RFC3: variants seen among roughly 807,000 people sequenced by gnomAD.
The protein encoded by RFC3 is replication factor C subunit 3, also known as A1 38 kDa subunit.
RFC3 carries 41 observed loss-of-function variants against 45.1 expected under a neutral mutation model. That is an observed-to-expected ratio of 0.91 (90% CI 0.71 to 1.18). The LOEUF (loss-of-function observed/expected upper bound fraction) is 1.18. Among genes scored for constraint, RFC3 ranks in the 50% most tolerant of loss-of-function variants. The pLI is 0.00. For synonymous variants in RFC3, 149 were observed against 144.0 expected (o/e 1.03, Z -0.25); for missense variants, 423 against 428.1 (o/e 0.99, Z 0.10).
intron 8 of RFC3, among the ~76,000 whole-genome samples, chr13:33,939,653 C>T (rs1450003979): frequency 1.3e-5 from 2 of 152,182 alleles, no homozygotes; most frequent in Non-Finnish European, 2.9e-5. Context: ...TGCTTTACAG[C>T]TGATTCATCA....
At chr13:33,822,025 A>G (rs1566376115) in intron 2 of RFC3, among the ~76,000 whole-genome samples, 1 of 152,176 alleles carries the variant, frequency 6.6e-6, no homozygotes, top group Admixed American at 6.5e-5. Context: ...ATGTCTTTAC[A>G]TATTAGGCAT....
intron 8 of RFC3, among the ~76,000 whole-genome samples, chr13:33,920,990 G>A (rs551357442): frequency 6.6e-6 from 1 of 152,102 alleles, no homozygotes; most frequent in East Asian, 1.9e-4. Flanking sequence ...CACTTACCAC[G>A]TGGCATTATA....
intron 8 of RFC3, among the ~76,000 whole-genome samples, chr13:33,886,310 G>T (rs2082385932): frequency 6.6e-6 from 1 of 152,084 alleles, no homozygotes; most frequent in Non-Finnish European, 1.5e-5. Context: ...ACTTTGGGAG[G>T]CCGAGGTGGG....
intron 8 of RFC3, among the ~76,000 whole-genome samples, chr13:33,912,136 A>G (rs912625732): frequency 6.6e-6 from 1 of 152,088 alleles, no homozygotes; most frequent in Non-Finnish European, 1.5e-5. Context: ...TGAAGAATTA[A>G]TGATTTGTAA....
At chr13:33,830,658 CAG>C (rs2082093376) in intron 5 of RFC3, 59 bp from the exon 6 acceptor site, 1 of 1,414,280 alleles carries the variant, frequency 7.1e-7, no homozygotes, top group Non-Finnish European at 9.8e-7. Context: ...AGGATATCAA[CAG>C]AAATGAATCT....
intron 8 of RFC3, among the ~76,000 whole-genome samples, chr13:33,925,690 T>TACACACACAC (rs139123720): frequency 2.0e-5 from 3 of 148,562 alleles, no homozygotes; most frequent in Non-Finnish European, 3.0e-5. Context: ...TATGTATATA[T>TACACACACAC]ACACACACAC....
intron 8 of RFC3, among the ~76,000 whole-genome samples, chr13:33,955,951 A>G (rs1195186969): frequency 3.9e-5 from 6 of 152,264 alleles, no homozygotes; most frequent in African/African-American, 2.4e-5. Context: ...GTGTTGGTTA[A>G]TAATGCATCT....
At chr13:33,850,270 A>G (rs1312031014) in intron 8 of RFC3, 1 of 152,140 alleles carries the variant, frequency 6.6e-6, no homozygotes, top group Non-Finnish European at 1.5e-5. Flanking sequence ...TAATAACCAA[A>G]CCTTTTATCA....
intron 8 of RFC3, among the ~76,000 whole-genome samples, chr13:33,851,412 A>G (rs2082275804): frequency 6.6e-6 from 1 of 152,194 alleles, no homozygotes; most frequent in Non-Finnish European, 1.5e-5. Context: ...ATACTCAGAT[A>G]ACACGTATTT....
At chr13:33,975,605 A>G in the RFC3 span, among the ~76,000 whole-genome samples, 1 of 152,184 alleles carries the variant, frequency 6.6e-6, no homozygotes, top group Non-Finnish European at 1.5e-5. Context: ...ATCCCACCAT[A>G]TTACAAATGT....
intron 8 of RFC3, among the ~76,000 whole-genome samples, chr13:33,947,071 AT>A (rs2082958816): frequency 6.6e-6 from 1 of 152,216 alleles, no homozygotes; most frequent in Non-Finnish European, 1.5e-5. Flanking sequence ...TCATCTGAAA[AT>A]TGGGATACCA....
At position 33,823,949 on chromosome 13, in the gene RFC3, C is replaced by G. The variant is rs1372668444; in HGVS notation, c.258C>G (p.Thr86=). ...TPSKKKIEIS[T]IASNYHLEVN... Reference sequence around the variant, plus strand: ...CTAAAAAAAAAATTGAAATTAGCACCATTGCAAGTAACTACCACCTTGAAG... The same window carrying G: ...CTAAAAAAAAAATTGAAATTAGCACGATTGCAAGTAACTACCACCTTGAAG... Residue 86 remains threonine, a synonymous_variant, in exon 3 of 9, where the codon ACC becomes ACG. Transcript: ENST00000380071. 1.9e-6 allele frequency: 3 copies of G among 1,566,482 alleles called. No homozygotes were observed. The South Asian group carries it at 3.4e-5, about 18-fold the overall frequency.
intron 8 of RFC3, among the ~76,000 whole-genome samples, chr13:33,911,591 G>A (rs2082704090): frequency 1.3e-5 from 2 of 152,058 alleles, no homozygotes; most frequent in South Asian, 2.1e-4. Flanking sequence ...TCAGCTTTCG[G>A]TGAGGGCTTT....
chr13:33,966,717 T>G (rs1252401317), downstream of RFC3, among the ~76,000 whole-genome samples: 1 of 152,172 alleles, frequency 6.6e-6, no homozygotes, highest in African/African-American at 2.4e-5. Context: ...AAATGAGCAC[T>G]TTGAGTTCTC....
chr13:33,823,258 A>T (rs2139382837), intron 2 of RFC3, among the ~76,000 whole-genome samples: 1 of 152,260 alleles, frequency 6.6e-6, no homozygotes, highest in Middle Eastern at 3.4e-3. Flanking sequence ...TATTATATTA[A>T]AGTTAGAAAA....
chr13:33,867,775 G>T (rs571410640), intron 8 of RFC3, among the ~76,000 whole-genome samples: 2 of 152,270 alleles, frequency 1.3e-5, no homozygotes, highest in East Asian at 1.9e-4. Context: ...AAGATGAATT[G>T]TACAGTAGTG....
intron 8 of RFC3, among the ~76,000 whole-genome samples, chr13:33,852,314 C>T (rs920473234): frequency 6.6e-6 from 1 of 152,112 alleles, no homozygotes; most frequent in Non-Finnish European, 1.5e-5. Flanking sequence ...GACGTGGCTC[C>T]AACTGTTTTT....
chr13:33,819,457 T>G (rs1219814526), intron 1 of RFC3, among the ~76,000 whole-genome samples: 1 of 152,184 alleles, frequency 6.6e-6, no homozygotes, highest in East Asian at 1.9e-4. Context: ...TTTCTTAGAT[T>G]TACAGATACT....
downstream of RFC3, among the ~76,000 whole-genome samples, chr13:33,837,939 AT>A (rs563922612): frequency 5.4e-5 from 8 of 149,436 alleles, no homozygotes; most frequent in South Asian, 2.1e-4. Flanking sequence ...TTCACTTGTG[AT>A]TTTTTTTTTA....
Sources: gnomAD v4.1 joint callset for allele counts (sites outside exome capture counted in the v4.1 genomes callset) on GRCh38, gnomAD v4.1.1 for gene constraint, MANE v1.5 for transcripts, NCBI Gene and HGNC (gene_info 2026-07-23, HGNC 2026-07-21) for gene names.